The following MYRFL variants were observed in gnomAD, a reference collection of about 807,000 sequenced individuals.
MYRFL encodes myelin regulatory factor-like protein.
In MYRFL, 88 loss-of-function variants were observed where a neutral mutation model predicts 109.4. That is an observed-to-expected ratio of 0.80 (90% CI 0.68 to 0.96). MYRFL has a LOEUF of 0.96. MYRFL is among the 40% of genes least tolerant of loss of function. The probability of loss-of-function intolerance (pLI) is 0.00; values close to 1 mark genes in which losing one functional copy is unlikely to be tolerated. For synonymous variants in MYRFL, 324 were observed against 320.9 expected (o/e 1.01, Z -0.10); for missense variants, 957 against 954.9 (o/e 1.00, Z -0.03).
Position 69,926,571 on chromosome 12 carries a change from G to T in MYRFL, c.1603G>T (p.Asp535Tyr). ...TLENFLMVDKDQIFMENVGAV... is the reference protein window; with the variant it reads ...TLENFLMVDKYQIFMENVGAV... ...ACTCTGTTTGATTTTTCCCTTTTAG[G>T]ACCAGATCTTTATGGAAAATGTAGG... Residue 535 changes from aspartate to tyrosine, a missense_variant and splice_region_variant, in exon 14 of 25, where the codon GAC becomes TAC. Asp to Tyr is a radical substitution (Grantham distance 160). Coordinates refer to ENST00000552032, the MANE Select transcript of MYRFL (RefSeq NM_182530.3). The T allele has an allele frequency of 6.7e-7, 1 of 1,497,412 alleles. No homozygotes were observed. Among genetic ancestry groups the T allele is most frequent in the Non-Finnish European group, 8.9e-7 (1 of 1,127,462 alleles). 92.8% of individuals were successfully genotyped at this position (1,497,412 alleles called of 1,614,324 possible).
In MYRFL at chr12:69,958,763, A is replaced by G. The variant is rs986717252; in HGVS notation, c.*232A>G. 2 of 458,672 alleles carry G rather than the reference A, an allele frequency of 4.4e-6. No homozygotes were observed. Among genetic ancestry groups the G allele is most frequent in the Non-Finnish European group, 7.6e-6 (2 of 261,914 alleles). The allele number at this position is 458,672 out of a possible 1,614,324, so 28.4% of individuals were successfully genotyped here. On this transcript the variant is annotated 3_prime_UTR_variant, in exon 25 of 25. Coordinates refer to ENST00000552032, the MANE Select transcript of MYRFL (RefSeq NM_182530.3). ...TTGATTTTGCCATGACTATGAAGAA[A>G]ACATTTCCTGGAGCAAACAGTTCTG...
chr12:69,909,908 G>A (rs949213167), intron 11 of MYRFL, 61 bp from the exon 12 acceptor site: 3 of 1,154,292 alleles, frequency 2.6e-6, no homozygotes, highest in African/African-American at 3.1e-5. Context: ...GTCACTCTGG[G>A]CATTAATTTG....
At position 69,917,774 on chromosome 12, in the gene MYRFL, G is replaced by A. The variant is rs1422879244; in HGVS notation, c.1602+6844G>A. ...CAAAAATTTGTGTATATTAATGCCT[G>A]AGTTTTTAAATCTCCATGAAAGGAA... On this transcript the variant is annotated intron_variant, in intron 13 of 24. Transcript: ENST00000552032. 2.0e-5 allele frequency among the ~76,000 whole-genome samples: 3 copies of A among 152,204 alleles called. No homozygotes were observed. The East Asian group carries it at 5.8e-4, about 29-fold the overall frequency.
intron 13 of MYRFL, among the ~76,000 whole-genome samples, chr12:69,913,653 G>C (rs187779113): frequency 6.6e-6 from 1 of 152,070 alleles, no homozygotes; most frequent in African/African-American, 2.4e-5. Flanking sequence ...CCATTTGTCT[G>C]TATGTCTGTC....
chr12:69,897,705 A>C (rs931770477), intron 10 of MYRFL, among the ~76,000 whole-genome samples: 1 of 152,268 alleles, frequency 6.6e-6, no homozygotes, highest in Non-Finnish European at 1.5e-5. Flanking sequence ...TAAGAGACTA[A>C]GTAACTAATC....
rs1956069536 is a variant in MYRFL at position 69,955,362 on chromosome 12, G to T, written c.2376-1G>T. On this transcript the variant is annotated splice_acceptor_variant, in intron 21 of 24. Coordinates refer to ENST00000552032, the MANE Select transcript of MYRFL (RefSeq NM_182530.3). LOFTEE classifies it high-confidence loss of function. ...TGGTTTTATTTTCTTTCCATAATTA[G>T]ATCTGGAAATTATAATTACAATATT... is the stretch of plus-strand genomic sequence containing the variant. The T allele has an allele frequency of 3.2e-6, 2 of 632,848 alleles. No individual in the cohort carries two copies. Among genetic ancestry groups the T allele is most frequent in the South Asian group, 1.9e-5 (1 of 53,334 alleles). The allele number at this position is 632,848 out of a possible 1,614,324, so 39.2% of individuals were successfully genotyped here.
At chr12:69,918,258 G>GC (rs1188274990) in intron 13 of MYRFL, among the ~76,000 whole-genome samples, 1 of 152,040 alleles carries the variant, frequency 6.6e-6, no homozygotes, top group East Asian at 1.9e-4. Context: ...TACCTTCTTG[G>GC]CCCTATGGAC....
At chr12:69,927,870 T>C (rs1039228026) in intron 15 of MYRFL, 122 bp downstream of exon 15, 3 of 830,252 alleles carry the variant, frequency 3.6e-6, no homozygotes, top group African/African-American at 1.7e-5. Context: ...TGCATCCTTA[T>C]GTACTATATG....
At chr12:69,927,926 G>A (rs867270778) in intron 15 of MYRFL, among the ~76,000 whole-genome samples, 178 bp downstream of exon 15, 1 of 152,092 alleles carries the variant, frequency 6.6e-6, no homozygotes, top group Admixed American at 6.6e-5. Flanking sequence ...GCTTTTAAAA[G>A]CAAAGTTTAG....
intron 19 of MYRFL, among the ~76,000 whole-genome samples, chr12:69,945,281 A>T (rs1045006309): frequency 1.3e-5 from 2 of 151,684 alleles, no homozygotes; most frequent in Non-Finnish European, 3.0e-5. Context: ...CCGCTCACTC[A>T]CTGATTGACT....
At chr12:69,916,978 T>TCTCTCTCCAGTAGCTTCCAC in intron 13 of MYRFL, among the ~76,000 whole-genome samples, 1 of 152,072 alleles carries the variant, frequency 6.6e-6, no homozygotes, top group Non-Finnish European at 1.5e-5. Context: ...CTAGCTTTCA[T>TCTCTCTCCAGTAGCTTCCAC]CTCTCTCCAG....
intron 2 of MYRFL, among the ~76,000 whole-genome samples, chr12:69,870,099 CTTTTTTTTTTT>C (rs754843682): frequency 3.7e-5 from 3 of 81,330 alleles, no homozygotes; most frequent in Non-Finnish European, 6.6e-5. Flanking sequence ...ATTTTTCTTC[CTTTTTTTTTTT>C]TTTTTTTTTT....
intron 13 of MYRFL, among the ~76,000 whole-genome samples, chr12:69,915,357 C>T (rs1374030771): frequency 6.6e-6 from 1 of 152,142 alleles, no homozygotes; most frequent in Non-Finnish European, 1.5e-5. Flanking sequence ...TCTGTCCCAT[C>T]ACCTGATCCT....
At chr12:69,872,485 G>A (rs117959526) in intron 2 of MYRFL, among the ~76,000 whole-genome samples, 4,971 of 151,916 alleles carry the variant, frequency 0.033, 100 homozygotes, top group Non-Finnish European at 0.048. Flanking sequence ...AACCACACCT[G>A]GCTAATCTTA....
In MYRFL at chr12:69,952,131, TTTTGGC is replaced by T. The variant is rs1222678860; in HGVS notation, c.2244_2249del (p.Leu749_Ala750del). ...TTTTCAGAAGACAAAAGCAAATCAGTTTTGGCAAGAAATGCACTCAGCGGCCCTGAC... is the reference window on the plus strand; with the variant it reads ...TTTTCAGAAGACAAAAGCAAATCAGTAAGAAATGCACTCAGCGGCCCTGAC... On this transcript the variant is annotated inframe_deletion, in exon 20 of 25. Coordinates refer to ENST00000552032, the MANE Select transcript of MYRFL (RefSeq NM_182530.3). 1.3e-6 allele frequency: 2 copies of T among 1,536,082 alleles called. No homozygotes were observed. Among genetic ancestry groups the T allele is most frequent in the South Asian group, 1.2e-5 (1 of 84,042 alleles).
chr12:69,909,882 T>A, intron 11 of MYRFL, 87 bp from the exon 12 acceptor site: 1 of 898,902 alleles, frequency 1.1e-6, no homozygotes, highest in Non-Finnish European at 1.6e-6. Context: ...CAAAAGCAAT[T>A]CAGTGATGTC....
At chr12:69,866,524 G>T (rs886863402) in intron 2 of MYRFL, among the ~76,000 whole-genome samples, 1 of 152,072 alleles carries the variant, frequency 6.6e-6, no homozygotes, top group Non-Finnish European at 1.5e-5. Flanking sequence ...TGGGATGCAG[G>T]GTTTTTGTTT....
chr12:69,826,127 T>C (rs1008710143), intron 1 of MYRFL, among the ~76,000 whole-genome samples: 2 of 152,080 alleles, frequency 1.3e-5, no homozygotes, highest in African/African-American at 4.8e-5. Flanking sequence ...TAAACAATGC[T>C]GAACACTAAA....
chr12:69,846,104 A>ACCTTTT lies in MYRFL; in HGVS notation c.47-9176_47-9175insCCTTTT, dbSNP rs1317866261. ...GGCTTTTAGATATTGGCTATTGACT[A>ACCTTTT]TCTTTTTTTTTTTTTTTTTTTTTTT... On this transcript the variant is annotated intron_variant, in intron 1 of 24. Coordinates refer to ENST00000552032, the MANE Select transcript of MYRFL (RefSeq NM_182530.3). 5.7e-5 allele frequency among the ~76,000 whole-genome samples: 3 copies of ACCTTTT among 52,326 alleles called. 1 individual carries two copies. Among genetic ancestry groups the ACCTTTT allele is most frequent in the South Asian group, 1.4e-3 (2 of 1,434 alleles). 34.3% of individuals were successfully genotyped at this position (52,326 alleles called of 152,430 possible). A position where few individuals can be genotyped will look rare whatever the true frequency, so the allele number is the denominator to read the frequency against.
Sources: allele counts gnomAD v4.1 joint callset (sites outside exome capture counted in the v4.1 genomes callset), GRCh38; gene constraint gnomAD v4.1.1; transcripts MANE v1.5; gene names NCBI Gene and HGNC (gene_info 2026-07-23, HGNC 2026-07-21).